Variants in TEX9 observed in about 807,000 individuals in gnomAD.
TEX9 encodes testis expressed 9.
TEX9 carries 74 observed loss-of-function variants against 59.6 expected under a neutral mutation model. The ratio of observed to expected loss-of-function variants is 1.24; its 90% CI spans 1.03 to 1.51. The LOEUF (loss-of-function observed/expected upper bound fraction) is 1.51. TEX9 is among the 40% of genes most tolerant of loss of function. TEX9 has a pLI of 0.00. For synonymous variants in TEX9, 186 were observed against 152.2 expected (o/e 1.22, Z -1.64); for missense variants, 522 against 447.8 (o/e 1.17, Z -1.49).
intron 1 of TEX9, among the ~76,000 whole-genome samples, chr15:56,315,488 T>C (rs2045733257): frequency 6.6e-6 from 1 of 150,404 alleles, no homozygotes; most frequent in African/African-American, 2.4e-5. Flanking sequence ...CCCCACTCTC[T>C]TCTGGCTTGT....
intron 12 of TEX9, among the ~76,000 whole-genome samples, chr15:56,439,162 G>A (rs1047622914): frequency 6.6e-6 from 1 of 152,056 alleles, no homozygotes; most frequent in Non-Finnish European, 1.5e-5. Context: ...CAAAATAAAA[G>A]CTAACATTCC....
chr15:56,350,633 G>A (rs1187573815), intron 1 of TEX9, among the ~76,000 whole-genome samples: 2 of 152,112 alleles, frequency 1.3e-5, no homozygotes, highest in Admixed American at 6.5e-5. Flanking sequence ...CTAATTTAGA[G>A]TTTCAACCAT....
chr15:56,319,722 A>G (rs549025048), intron 1 of TEX9, among the ~76,000 whole-genome samples: 4 of 152,176 alleles, frequency 2.6e-5, no homozygotes, highest in Non-Finnish European at 4.4e-5. Flanking sequence ...AATTGGCCCT[A>G]TGATCAATTC....
chr15:56,349,520 A>G (rs2718913), intron 1 of TEX9, among the ~76,000 whole-genome samples: 149,094 of 152,204 alleles, frequency 0.98, 73,104 homozygotes, highest in Middle Eastern at 1. Flanking sequence ...TTCTATGAGT[A>G]TTTTAGCAAC....
At chr15:56,433,391 A>T (rs1451550711) in intron 12 of TEX9, among the ~76,000 whole-genome samples, 1 of 148,000 alleles carries the variant, frequency 6.8e-6, no homozygotes, top group Non-Finnish European at 1.5e-5. Context: ...ACAAACCTGC[A>T]TGTTCTGCAC....
intron 1 of TEX9, among the ~76,000 whole-genome samples, chr15:56,314,986 T>A (rs1400384649): frequency 6.6e-6 from 1 of 151,294 alleles, no homozygotes; most frequent in African/African-American, 2.4e-5. Context: ...TGCCTTTTTT[T>A]GTTTTCCATT....
chr15:56,428,480 G>A (rs1315551730), intron 12 of TEX9: 2 of 1,358,186 alleles, frequency 1.5e-6, no homozygotes. Flanking sequence ...GACAGTATGT[G>A]ATGGATACCC....
chr15:56,363,268 C>CTT (rs749991135), upstream of TEX9, among the ~76,000 whole-genome samples: 47 of 142,832 alleles, frequency 3.3e-4, no homozygotes, highest in African/African-American at 9.2e-4. Context: ...ATTGTCCATC[C>CTT]TTTTTTTTTT....
At chr15:56,460,006 A>AT in the TEX9 span, among the ~76,000 whole-genome samples, 21 of 57,648 alleles carry the variant, frequency 3.6e-4, 1 homozygote, top group African/African-American at 8.1e-4. Context: ...AAAAAAAAAA[A>AT]AAAATACATA....
At chr15:56,323,353 CA>C (rs1167909731) in intron 1 of TEX9, 9 of 180,536 alleles carry the variant, frequency 5.0e-5, no homozygotes, top group Middle Eastern at 6.1e-3. Flanking sequence ...AAAGGGGAAA[CA>C]AAAAAAGTTC....
At chr15:56,298,641 C>G (rs1299894453) in intron 1 of TEX9, among the ~76,000 whole-genome samples, 2 of 152,192 alleles carry the variant, frequency 1.3e-5, no homozygotes, top group East Asian at 3.8e-4. Context: ...TATTGCTGAA[C>G]TTGAAGAAGG....
chr15:56,373,602 A>G (rs1309748408), intron 3 of TEX9, 98 bp downstream of exon 3: 4 of 934,790 alleles, frequency 4.3e-6, no homozygotes, highest in South Asian at 2.0e-5. Context: ...TAGCCAAAGC[A>G]TGTGTGTTCA....
intron 1 of TEX9, among the ~76,000 whole-genome samples, chr15:56,334,527 T>G (rs190672499): frequency 4.6e-4 from 70 of 152,266 alleles, no homozygotes; most frequent in Non-Finnish European, 8.4e-4. Context: ...GACTTAAATC[T>G]AAGACTCAAA....
the TEX9 span, among the ~76,000 whole-genome samples, chr15:56,455,044 T>C: frequency 2.6e-5 from 4 of 152,120 alleles, no homozygotes; most frequent in African/African-American, 9.7e-5. Context: ...CAGAAACCTC[T>C]AGAGGAAATG....
intron 1 of TEX9, among the ~76,000 whole-genome samples, chr15:56,265,849 GTGGTTGA>G (rs1423145788): frequency 1.3e-5 from 2 of 152,062 alleles, no homozygotes; most frequent in Non-Finnish European, 2.9e-5. Context: ...TTGGGTCAAG[GTGGTTGA>G]TGGTATTGTT....
intron 1 of TEX9, among the ~76,000 whole-genome samples, chr15:56,358,900 C>T (rs1211575993): frequency 5.3e-5 from 8 of 152,036 alleles, no homozygotes; most frequent in African/African-American, 1.7e-4. Flanking sequence ...TCTCTCCTGC[C>T]GCCACGTAAG....
rs1336196711 is a variant in TEX9, at chr15:56,317,115, G to A, written c.-106-56326G>A. On this transcript the variant is annotated intron_variant, in intron 1 of 5. Coordinates refer to the TEX9 transcript ENST00000560827. ...AATGCGGAAATCACCCGTCTTCTGC[G>A]TCGCTCACGCTGGGAGCTGTAGACC... Among the ~76,000 whole-genome samples, 8 of 152,310 alleles carry A rather than the reference G, an allele frequency of 5.3e-5. No individual in the cohort carries two copies. In the East Asian group the frequency reaches 9.7e-4, roughly 18 times the overall value.
exon 9 of TEX9, chr15:56,394,715 A>G: frequency 1.9e-6 from 3 of 1,610,354 alleles, no homozygotes; most frequent in Non-Finnish European, 2.5e-6. Context: ...AGAAGATTTT[A>G]TGAGACAGCA....
chr15:56,315,152 T>G lies in TEX9; in HGVS notation c.-106-58289T>G, dbSNP rs1319956582. On this transcript the variant is annotated intron_variant, in intron 1 of 5. Transcript: ENST00000560827. The stretch of plus-strand genomic sequence containing the variant: ...ATTGGAGAATTTAGTCCATTTACAT[T>G]TAAAGTTAGTATTGTTATGTGTGAA... Among the ~76,000 whole-genome samples the G allele has an allele frequency of 1.0e-4, 15 of 147,982 alleles. 1 individual carries two copies. Among genetic ancestry groups the G allele is most frequent in the Admixed American group, 6.2e-4 (9 of 14,554 alleles).
Sources: gnomAD v4.1 joint callset for allele counts (sites outside exome capture counted in the v4.1 genomes callset) on GRCh38, gnomAD v4.1.1 for gene constraint, MANE v1.5 for transcripts, NCBI Gene and HGNC (gene_info 2026-07-23, HGNC 2026-07-21) for gene names.